SH3GLB2: variants seen among roughly 807,000 people sequenced by gnomAD.
SH3GLB2 encodes the protein SH3 domain containing GRB2 like, endophilin B2.
A neutral mutation model predicts 48.0 loss-of-function variants in SH3GLB2; 24 were observed. The observed-to-expected ratio is 0.50, with a 90% CI of 0.36 to 0.70. The LOEUF is 0.70. Among genes scored for constraint, SH3GLB2 ranks in the 30% least tolerant of loss-of-function variants. The pLI is 0.00. For synonymous variants in SH3GLB2, 227 were observed against 207.6 expected, an observed-to-expected ratio of 1.09 and a Z score of -0.80; for missense variants, 425 against 516.0, an observed-to-expected ratio of 0.82 and a Z score of 1.71.
chr9:129,022,464 C>T (rs1843871512), intron 1 of SH3GLB2, 41 bp from the exon 2 acceptor site: 2 of 1,530,172 alleles, frequency 1.3e-6, no homozygotes, highest in Non-Finnish European at 1.8e-6. Flanking sequence ...AGGGGGAGAG[C>T]TCAGAAGGAG....
rs1029760414 is a variant in SH3GLB2, at chr9:129,011,149, T to A, written c.625-456A>T. On this transcript the variant is annotated intron_variant, in intron 6 of 10. Transcript: ENST00000372564. This position sits in a 1 kb window ranked among gnomAD's most constrained non-coding sequence, Gnocchi z 4.5. The stretch of plus-strand genomic sequence containing the variant: ...CAATGGCAAAAGAAAAACAGGGCAG[T>A]CTCCACCCTCTAGGATGTTTCTCCT... 3.7e-5 allele frequency: 6 copies of A among 161,852 alleles called. No individual in the cohort carries two copies. Among genetic ancestry groups the A allele is most frequent in the Non-Finnish European group, 5.3e-5 (4 of 74,896 alleles). The allele number at this position is 161,852 out of a possible 1,614,324, so 10.0% of individuals were successfully genotyped here. A position where few individuals can be genotyped will look rare whatever the true frequency, so the allele number is the denominator to read the frequency against.
intron 1 of SH3GLB2, among the ~76,000 whole-genome samples, chr9:129,027,602 C>T (rs1844234851): frequency 6.6e-6 from 1 of 152,218 alleles, no homozygotes; most frequent in Non-Finnish European, 1.5e-5. Context: ...TGGCTTCCGG[C>T]CTGACTATCC....
In SH3GLB2 at chr9:129,008,357, A is replaced by T. The variant is rs1411399514; in HGVS notation, c.*327T>A. The T allele has an allele frequency of 3.2e-6, 1 of 312,830 alleles. No individual in the cohort carries two copies. Among genetic ancestry groups the T allele is most frequent in the East Asian group, 8.1e-5 (1 of 12,334 alleles). The allele number at this position is 312,830 out of a possible 1,614,324, so 19.4% of individuals were successfully genotyped here. On this transcript the variant is annotated 3_prime_UTR_variant, in exon 11 of 11. Coordinates refer to ENST00000372564, the MANE Select transcript of SH3GLB2 (RefSeq NM_020145.4). ...AGTGCACCTGGGGCTTCCTGAGCCCATCTGCGGCGGCCCCACCCTGGCCTA... is the reference window on the plus strand; with the variant it reads ...AGTGCACCTGGGGCTTCCTGAGCCCTTCTGCGGCGGCCCCACCCTGGCCTA...
chr9:129,009,481 G>C (rs1185037895), intron 9 of SH3GLB2, 135 bp from the exon 10 acceptor site: 7 of 1,549,216 alleles, frequency 4.5e-6, no homozygotes, highest in Non-Finnish European at 5.2e-6. Flanking sequence ...GCAGCACAAA[G>C]GGAAAAGCAA....
rs757207352 is a variant in SH3GLB2, at chr9:129,014,925, C to T, written c.335-21G>A. On this transcript the variant is annotated intron_variant, in intron 3 of 10. Coordinates refer to ENST00000372564, the MANE Select transcript of SH3GLB2 (RefSeq NM_020145.4). The surrounding 1 kb of genome is among the most constrained non-coding windows in gnomAD (Gnocchi z 4.1). ...CTTCCCTGAGAAAACAGAGTTGAAG[C>T]GTGAGGAAGAAGGTCAGGCTCAGGC... 5.6e-6 allele frequency: 9 copies of T among 1,608,892 alleles called. No individual in the cohort carries two copies. The East Asian group carries it at 6.7e-5, about 12-fold the overall frequency.
chr9:129,012,790 C>CA, intron 5 of SH3GLB2: 2 of 593,420 alleles, frequency 3.4e-6, no homozygotes, highest in Middle Eastern at 8.9e-4. Context: ...CATGGGCAGA[C>CA]AGAGTGACAG....
At chr9:129,026,475 G>A (rs900984132) in intron 1 of SH3GLB2, among the ~76,000 whole-genome samples, 1 of 152,168 alleles carries the variant, frequency 6.6e-6, no homozygotes, top group African/African-American at 2.4e-5. Context: ...GGCTGCTCCC[G>A]GGAAAATGGC....
intron 1 of SH3GLB2, among the ~76,000 whole-genome samples, chr9:129,023,862 C>A (rs759253037): frequency 7.2e-5 from 11 of 152,136 alleles, no homozygotes; most frequent in Non-Finnish European, 1.5e-4. Flanking sequence ...TCCTCTTCCT[C>A]GTCACACTCC....
rs765826782 is a variant in SH3GLB2, at chr9:129,009,393, C to T, written c.840-47G>A. ...TAGCAGGTGGGAGTCCCAGAAGGGACCCCAGAGGCAAACTCCCCTCCCCAG... is the reference window on the plus strand; with the variant it reads ...TAGCAGGTGGGAGTCCCAGAAGGGATCCCAGAGGCAAACTCCCCTCCCCAG... On this transcript the variant is annotated intron_variant, in intron 9 of 10. Transcript: ENST00000372564. 6 of 1,550,592 alleles carry T rather than the reference C, an allele frequency of 3.9e-6. No individual in the cohort carries two copies. In the East Asian group the frequency reaches 9.8e-5, roughly 25 times the overall value.
chr9:129,012,968 A>G (rs917794384), intron 5 of SH3GLB2: 10 of 1,550,788 alleles, frequency 6.4e-6, no homozygotes, highest in Non-Finnish European at 5.2e-6. Flanking sequence ...CAAGATGGGC[A>G]GACCGGAAGC....
Position 129,010,689 on chromosome 9 carries a change from C to T in SH3GLB2, c.629G>A (p.Trp210Ter). 1 of 1,614,030 alleles carries T rather than the reference C, an allele frequency of 6.2e-7. No homozygotes were observed. Residue 210 changes from tryptophan to a stop codon, truncating the protein, a stop_gained, in exon 7 of 11, where the codon TGG becomes TAG. Coordinates refer to ENST00000372564, the MANE Select transcript of SH3GLB2 (RefSeq NM_020145.4). LOFTEE classifies it high-confidence loss of function. Reference protein sequence around the residue: ...YILSASASALWNDEVDKAEQE... With the variant: ...YILSASASAL ...ACTTACCTTGTCCACTTCATCATTC[C>T]AGAGCTGTGGAGACGGCAGCAGGAG... is the stretch of plus-strand genomic sequence containing the variant.
intron 7 of SH3GLB2, 89 bp downstream of exon 7, chr9:129,010,581 G>A (rs1055896010): frequency 4.8e-6 from 7 of 1,465,724 alleles, no homozygotes; most frequent in African/African-American, 4.2e-5. Context: ...GGGGCAGAGT[G>A]AGAAACAGAT....
chr9:129,027,952 G>T, intron 1 of SH3GLB2, 140 bp downstream of exon 1: 1 of 765,754 alleles, frequency 1.3e-6, no homozygotes, highest in Non-Finnish European at 1.9e-6. Flanking sequence ...CAAGGGCTCA[G>T]GGGGGCAGAG....
In SH3GLB2 at chr9:129,009,904, C is replaced by T. The variant is rs775045807; in HGVS notation, c.739-33G>A. Reference sequence around the variant, plus strand: ...GAAGAGGCCAGAGGCTGACTTCTAACCTCCCGCCCTCAGAACAAAAAATTC... The same window carrying T: ...GAAGAGGCCAGAGGCTGACTTCTAATCTCCCGCCCTCAGAACAAAAAATTC... On this transcript the variant is annotated intron_variant, in intron 8 of 10. Coordinates refer to ENST00000372564, the MANE Select transcript of SH3GLB2 (RefSeq NM_020145.4). 22 of 1,587,830 alleles carry T rather than the reference C, an allele frequency of 1.4e-5. No individual in the cohort carries two copies. In the Admixed American group the frequency reaches 1.9e-4, roughly 14 times the overall value.
chr9:129,009,677 T>A, intron 9 of SH3GLB2, 94 bp downstream of exon 9: 1 of 1,404,272 alleles, frequency 7.1e-7, no homozygotes, highest in South Asian at 1.3e-5. Context: ...CCCAGCTTTG[T>A]GTCACAGGAC....
chr9:129,018,345 A>T (rs1202401957), intron 3 of SH3GLB2, among the ~76,000 whole-genome samples: 1 of 151,292 alleles, frequency 6.6e-6, no homozygotes, highest in African/African-American at 2.4e-5. Context: ...TGGGAGGCCA[A>T]GGCGGGCGGA....
chr9:129,021,544 G>A (rs981352758), intron 2 of SH3GLB2, among the ~76,000 whole-genome samples: 3 of 151,858 alleles, frequency 2.0e-5, no homozygotes, highest in Non-Finnish European at 2.9e-5. Flanking sequence ...CACACAGCAC[G>A]ACCCGGAGCC....
Position 129,008,803 on chromosome 9 carries a change from G to A in SH3GLB2, c.1081-12C>T. ...TAGACAGTGATGAGCTGCAGAGATGGCAGTAGAGGACGGTCATGGCCTGGC... is the reference window on the plus strand; with the variant it reads ...TAGACAGTGATGAGCTGCAGAGATGACAGTAGAGGACGGTCATGGCCTGGC... On this transcript the variant is annotated splice_polypyrimidine_tract_variant and intron_variant, in intron 10 of 10. Coordinates refer to ENST00000372564, the MANE Select transcript of SH3GLB2 (RefSeq NM_020145.4). The A allele has an allele frequency of 6.2e-7, 1 of 1,611,684 alleles. No homozygotes were observed. Among genetic ancestry groups the A allele is most frequent in the Non-Finnish European group, 8.5e-7 (1 of 1,178,096 alleles).
intron 1 of SH3GLB2, among the ~76,000 whole-genome samples, chr9:129,026,347 T>A (rs1211431505): frequency 6.6e-6 from 1 of 152,172 alleles, no homozygotes; most frequent in Non-Finnish European, 1.5e-5. Flanking sequence ...CAGCTTGGTC[T>A]CAGGCGGAGC....
Sources: allele counts gnomAD v4.1 joint callset (sites outside exome capture counted in the v4.1 genomes callset), GRCh38; gene constraint gnomAD v4.1.1; non-coding constraint Gnocchi (gnomAD v3.1); transcripts MANE v1.5; gene names NCBI Gene and HGNC (gene_info 2026-07-23, HGNC 2026-07-21).